Variants in BABAM2 observed in about 807,000 individuals in gnomAD.
The protein encoded by BABAM2 is BRISC and BRCA1 A complex member 2, also known as BRISC and BRCA1-A complex member 2.
A neutral mutation model predicts 54.7 loss-of-function variants in BABAM2; 31 were observed. The ratio of observed to expected loss-of-function variants is 0.57; its 90% CI spans 0.43 to 0.77. The LOEUF (loss-of-function observed/expected upper bound fraction) is 0.77. Ranked by LOEUF, BABAM2 falls within the 30% of genes least tolerant of loss-of-function variation. BABAM2 has a pLI of 0.00. For missense variants in BABAM2, 364 were observed against 455.8 expected, an observed-to-expected ratio of 0.80 and a Z score of 1.83; for synonymous variants, 167 against 162.9, an observed-to-expected ratio of 1.03 and a Z score of -0.19.
intron 5 of BABAM2, among the ~76,000 whole-genome samples, chr2:28,041,638 AACACAGGCAC>A (rs1382570836): frequency 6.6e-6 from 1 of 152,150 alleles, no homozygotes; most frequent in African/African-American, 2.4e-5. Flanking sequence ...CCATCCCCTG[AACACAGGCAC>A]ACGCCTGCAT....
intron 6 of BABAM2, among the ~76,000 whole-genome samples, chr2:28,081,778 T>C (rs1243315366): frequency 1.3e-5 from 2 of 152,196 alleles, no homozygotes; most frequent in African/African-American, 4.8e-5. Context: ...CTTTAGTTTG[T>C]TTCAGACCCA....
chr2:28,071,662 C>G (rs778783265), intron 6 of BABAM2, among the ~76,000 whole-genome samples: 3 of 152,158 alleles, frequency 2.0e-5, no homozygotes, highest in Non-Finnish European at 4.4e-5. Flanking sequence ...AGATGCTTCT[C>G]TACTATTTGG....
chr2:28,160,760 A>G (rs1474265696), intron 7 of BABAM2, among the ~76,000 whole-genome samples: 1 of 149,856 alleles, frequency 6.7e-6, no homozygotes, highest in Non-Finnish European at 1.5e-5. Context: ...TTTTAAATAA[A>G]GAGTAGGTAG....
chr2:28,034,236 G>C (rs1337889517), intron 5 of BABAM2, among the ~76,000 whole-genome samples: 1 of 152,180 alleles, frequency 6.6e-6, no homozygotes, highest in East Asian at 1.9e-4. Flanking sequence ...GAGTGATCTA[G>C]GGGGCAGGAG....
chr2:28,140,038 C>T (rs896484635), intron 7 of BABAM2, among the ~76,000 whole-genome samples: 1 of 151,842 alleles, frequency 6.6e-6, no homozygotes, highest in African/African-American at 2.4e-5. Flanking sequence ...TACTTTTCCT[C>T]GTAAATGATC....
intron 6 of BABAM2, 81 bp from the exon 7 acceptor site, chr2:28,129,190 A>G: frequency 7.7e-7 from 1 of 1,300,512 alleles, no homozygotes; most frequent in Admixed American, 1.7e-5. Flanking sequence ...CATGGCTTCA[A>G]TGCCAGTGGA....
intron 7 of BABAM2, among the ~76,000 whole-genome samples, chr2:28,184,285 T>TCTCTCTCTCC (rs140329617): frequency 9.8e-6 from 1 of 102,208 alleles, no homozygotes; most frequent in Non-Finnish European, 2.0e-5. Context: ...TCTCTCTCTC[T>TCTCTCTCTCC]CCCCCCCTCC....
At chr2:28,254,515 TA>T (rs11426388) in intron 10 of BABAM2, among the ~76,000 whole-genome samples, 156 of 144,312 alleles carry the variant, frequency 1.1e-3, no homozygotes, top group Middle Eastern at 3.6e-3. Flanking sequence ...ACCTGTTAAT[TA>T]AAAAAAAAAA....
intron 3 of BABAM2, among the ~76,000 whole-genome samples, chr2:27,981,842 G>A (rs756993569): frequency 6.6e-6 from 1 of 152,116 alleles, no homozygotes; most frequent in Admixed American, 6.6e-5. Context: ...GTGTGGACAT[G>A]TCTTCACTTC....
intron 8 of BABAM2, 108 bp downstream of exon 8, chr2:28,237,409 T>C: frequency 1.0e-6 from 1 of 963,022 alleles, no homozygotes; most frequent in Admixed American, 1.9e-5. Flanking sequence ...GACTGCTCAG[T>C]TTCAGCCTCC....
At chr2:28,132,169 C>T (rs1170025819) in intron 7 of BABAM2, among the ~76,000 whole-genome samples, 2 of 143,448 alleles carry the variant, frequency 1.4e-5, no homozygotes, top group South Asian at 2.2e-4. Flanking sequence ...GACGGAATCT[C>T]GTTCCGTCCC....
chr2:28,138,861 C>G (rs946356650), intron 7 of BABAM2, among the ~76,000 whole-genome samples: 1 of 152,164 alleles, frequency 6.6e-6, no homozygotes, highest in Non-Finnish European at 1.5e-5. Context: ...TTTCAAGCCT[C>G]TAAGTATCTT....
intron 10 of BABAM2, among the ~76,000 whole-genome samples, chr2:28,282,200 A>T (rs1262652670): frequency 6.6e-6 from 1 of 152,236 alleles, no homozygotes; most frequent in African/African-American, 2.4e-5. Flanking sequence ...TAACCGTAAG[A>T]TGTTTTCCCA....
chr2:28,090,322 G>T (rs1326373402), intron 6 of BABAM2, among the ~76,000 whole-genome samples: 1 of 152,136 alleles, frequency 6.6e-6, no homozygotes, highest in Non-Finnish European at 1.5e-5. Flanking sequence ...TTGGCTCACC[G>T]CAACCTCCCC....
chr2:28,218,150 C>T (rs1358359990), intron 7 of BABAM2, among the ~76,000 whole-genome samples: 2 of 152,148 alleles, frequency 1.3e-5, no homozygotes, highest in Non-Finnish European at 2.9e-5. Flanking sequence ...TTTTCCTAAA[C>T]TATTTGAGAG....
rs560768796 is a variant in BABAM2, at chr2:28,133,752, T to C, written c.680+4372T>C. On this transcript the variant is annotated intron_variant, in intron 7 of 11. Transcript: ENST00000379624. ...GCTACTTTTGGGTCTTGTCATCATA[T>C]GTAGGAAAAAATATTGATTTGTTGT... 9.2e-5 allele frequency among the ~76,000 whole-genome samples: 14 copies of C among 152,346 alleles called. No individual in the cohort carries two copies. In the East Asian group the frequency reaches 2.7e-3, roughly 29 times the overall value.
intron 3 of BABAM2, chr2:27,930,283 C>A (rs544786149): frequency 2.8e-5 from 5 of 180,514 alleles, no homozygotes; most frequent in Admixed American, 1.7e-4. Flanking sequence ...TGCTGCTAAC[C>A]CCCCTGTGGA....
intron 3 of BABAM2, among the ~76,000 whole-genome samples, chr2:27,973,134 T>A (rs185225400): frequency 4.5e-4 from 68 of 152,232 alleles, no homozygotes; most frequent in African/African-American, 1.5e-3. Flanking sequence ...ATCTCTCTCA[T>A]TGGTTATAAT....
intron 3 of BABAM2, among the ~76,000 whole-genome samples, chr2:27,968,074 G>A (rs1186788490): frequency 6.6e-6 from 1 of 152,194 alleles, no homozygotes; most frequent in Non-Finnish European, 1.5e-5. Flanking sequence ...AAGTAATGAG[G>A]AGCCGAATGT....
Sources: gnomAD v4.1 joint callset for allele counts (sites outside exome capture counted in the v4.1 genomes callset) on GRCh38, gnomAD v4.1.1 for gene constraint, MANE v1.5 for transcripts, NCBI Gene and HGNC (gene_info 2026-07-23, HGNC 2026-07-21) for gene names.